Variants in RBFOX1 observed in about 807,000 individuals in gnomAD.
RBFOX1 encodes the protein RNA binding protein fox-1 homolog 1.
Under a neutral mutation model 57.7 loss-of-function variants are expected in RBFOX1, and 8 were observed. The ratio of observed to expected loss-of-function variants is 0.14; its 90% confidence interval spans 0.08 to 0.25. RBFOX1 has a LOEUF of 0.25. RBFOX1 is among the 10% of genes least tolerant of loss of function. RBFOX1 has a pLI of 1.00. For missense variants in RBFOX1, 611 were observed against 548.5 expected (o/e 1.11, Z -1.14); for synonymous variants, 326 against 222.4 (o/e 1.47, Z -4.15).
intron 1 of RBFOX1, among the ~76,000 whole-genome samples, chr16:5,276,611 C>T (rs8044065): frequency 0.12 from 18,427 of 151,964 alleles, 1,206 homozygotes; most frequent in Middle Eastern, 0.18. Context: ...GGTGAAACCC[C>T]GTCTCTACTG....
intron 4 of RBFOX1, among the ~76,000 whole-genome samples, chr16:7,420,781 T>G (rs1393407558): frequency 6.6e-6 from 1 of 151,254 alleles, no homozygotes; most frequent in African/African-American, 2.4e-5. Flanking sequence ...TTTTTTTTCT[T>G]ATAAGATCTG....
intron 3 of RBFOX1, among the ~76,000 whole-genome samples, chr16:6,769,023 A>G (rs571039371): frequency 4.3e-4 from 65 of 152,290 alleles, no homozygotes; most frequent in African/African-American, 1.5e-3. Context: ...CACTGCGCCC[A>G]GCCAATATTA....
At chr16:5,463,346 G>C (rs139783463) in intron 1 of RBFOX1, among the ~76,000 whole-genome samples, 20 of 152,264 alleles carry the variant, frequency 1.3e-4, no homozygotes, top group Non-Finnish European at 2.9e-5. Flanking sequence ...TCAAGTGACT[G>C]TTCTATGAAG....
intron 3 of RBFOX1, among the ~76,000 whole-genome samples, chr16:6,707,601 A>G (rs1203236345): frequency 3.3e-5 from 5 of 151,442 alleles, no homozygotes; most frequent in African/African-American, 9.7e-5. Flanking sequence ...CAATGGACAT[A>G]CTGAATTGAA....
In RBFOX1 at chr16:7,071,156, G is replaced by T. The variant is rs192349944; in HGVS notation, c.27+19058G>T. On this transcript the variant is annotated intron_variant, in intron 4 of 15. Coordinates refer to ENST00000550418, the MANE Select transcript of RBFOX1 (RefSeq NM_018723.4). The stretch of plus-strand genomic sequence containing the variant: ...GGAGCTTCTCGGCTGCTACCCTGAA[G>T]CTTCCGTTTTGACTAGTATTGGTTC... 2.1e-3 allele frequency among the ~76,000 whole-genome samples: 322 copies of T among 152,222 alleles called. 1 individual carries two copies. Among genetic ancestry groups the T allele is most frequent in the Admixed American group, 6.3e-3 (96 of 15,296 alleles).
At position 7,672,865 on chromosome 16, in the gene RBFOX1, C is replaced by CAAA. The variant is rs56693228; in HGVS notation, c.931-3888_931-3886dup. On this transcript the variant is annotated intron_variant, in intron 13 of 15. Transcript: ENST00000550418. The stretch of plus-strand genomic sequence containing the variant: ...CTGGGTGACAGAGAAGACTCCATCT[C>CAAA]AAAAAAAAAAAAAAAAAAAAAAAGA... Among the ~76,000 whole-genome samples, 208 of 42,876 alleles carry CAAA rather than the reference C, an allele frequency of 4.9e-3. 35 individuals are homozygous for CAAA. The highest frequency in any genetic ancestry group is 0.028 in the Middle Eastern group (1 of 36). The allele number at this position is 42,876 out of a possible 152,430, so 28.1% of individuals were successfully genotyped here. A position where few individuals can be genotyped will look rare whatever the true frequency, so the allele number is the denominator to read the frequency against.
At chr16:7,544,147 T>C (rs2083765918) in intron 5 of RBFOX1, among the ~76,000 whole-genome samples, 1 of 152,224 alleles carries the variant, frequency 6.6e-6, no homozygotes, top group Non-Finnish European at 1.5e-5. Context: ...CAACGCTTAC[T>C]CCTAAAGACT....
chr16:6,402,185 TGAGTCCCTGCA>T (rs1477164678), intron 2 of RBFOX1, among the ~76,000 whole-genome samples: 2 of 152,054 alleles, frequency 1.3e-5, no homozygotes, highest in Non-Finnish European at 2.9e-5. Context: ...ACATTTTGCT[TGAGTCCCTGCA>T]GTGTACCAAG....
At chr16:6,093,057 C>T (rs1405712386) in intron 1 of RBFOX1, 3 of 152,072 alleles carry the variant, frequency 2.0e-5, no homozygotes, top group African/African-American at 7.2e-5. Context: ...GTACCACTGA[C>T]CCTAAAATAA....
chr16:6,533,037 CT>C (rs1473892618), intron 2 of RBFOX1, among the ~76,000 whole-genome samples: 1 of 152,304 alleles, frequency 6.6e-6, no homozygotes, highest in East Asian at 1.9e-4. Context: ...CATCTTACTT[CT>C]GATGCATCAC....
At chr16:7,569,744 C>G (rs1427353694) in intron 5 of RBFOX1, among the ~76,000 whole-genome samples, 1 of 152,136 alleles carries the variant, frequency 6.6e-6, no homozygotes, top group African/African-American at 2.4e-5. Context: ...TGGCTCATGC[C>G]TGTAATCCCA....
intron 1 of RBFOX1, among the ~76,000 whole-genome samples, chr16:6,184,216 T>C (rs1266248638): frequency 6.6e-6 from 1 of 152,168 alleles, no homozygotes; most frequent in African/African-American, 2.4e-5. Flanking sequence ...ATGGGAATTA[T>C]GGGAACTACA....
At chr16:6,193,405 T>TAC (rs1434593752) in intron 1 of RBFOX1, among the ~76,000 whole-genome samples, 3 of 85,066 alleles carry the variant, frequency 3.5e-5, no homozygotes, top group African/African-American at 1.5e-4. Flanking sequence ...TATATATATA[T>TAC]ATATATATAT....
In RBFOX1 at chr16:5,378,730, C is replaced by A. The variant is rs186165011; in HGVS notation, c.220-88486C>A. ...CGGATATTCCCATGACTTACGTTTT[C>A]TGAGCCTCAGTTTTGTCATCTGTAA... On this transcript the variant is annotated intron_variant, in intron 1 of 2. Transcript: ENST00000585867. Among the ~76,000 whole-genome samples, 3 of 151,664 alleles carry A rather than the reference C, an allele frequency of 2.0e-5. No individual in the cohort carries two copies. The South Asian group carries it at 6.2e-4, about 31-fold the overall frequency.
chr16:7,398,079 T>G (rs758008067), intron 4 of RBFOX1, among the ~76,000 whole-genome samples: 1 of 152,108 alleles, frequency 6.6e-6, no homozygotes, highest in Non-Finnish European at 1.5e-5. Context: ...CTCTATTTCC[T>G]GGGTTGTTCA....
At chr16:6,490,323 G>A (rs137873362) in intron 2 of RBFOX1, among the ~76,000 whole-genome samples, 4 of 152,166 alleles carry the variant, frequency 2.6e-5, no homozygotes, top group African/African-American at 7.2e-5. Context: ...AGTAGAGAGC[G>A]TCAATGAACT....
chr16:7,441,848 C>T lies in RBFOX1; in HGVS notation c.28-76299C>T, dbSNP rs193045286. 3.5e-3 allele frequency among the ~76,000 whole-genome samples: 530 copies of T among 152,308 alleles called. 2 individuals carry two copies. Among genetic ancestry groups the T allele is most frequent in the Non-Finnish European group, 3.1e-3 (209 of 68,034 alleles). ...TTCGCCCAGCCTGCTTCACGATCCACTGGCTGTCACAGGCATTTGCCTCCG... is the reference window on the plus strand; with the variant it reads ...TTCGCCCAGCCTGCTTCACGATCCATTGGCTGTCACAGGCATTTGCCTCCG... On this transcript the variant is annotated intron_variant, in intron 4 of 15. Coordinates refer to ENST00000550418, the MANE Select transcript of RBFOX1 (RefSeq NM_018723.4).
At chr16:6,757,338 T>G (rs1230879332) in intron 3 of RBFOX1, among the ~76,000 whole-genome samples, 2 of 152,166 alleles carry the variant, frequency 1.3e-5, no homozygotes, top group Non-Finnish European at 2.9e-5. Flanking sequence ...TGAAAGGACC[T>G]GCACACCCGT....
intron 1 of RBFOX1, among the ~76,000 whole-genome samples, chr16:5,357,303 A>G (rs2065418008): frequency 6.6e-6 from 1 of 152,320 alleles, no homozygotes; most frequent in Middle Eastern, 3.4e-3. Context: ...GTAATCAAAT[A>G]TGGCCCAATT....
Sources: gnomAD v4.1 joint callset for allele counts (sites outside exome capture counted in the v4.1 genomes callset) on GRCh38, gnomAD v4.1.1 for gene constraint, MANE v1.5 for transcripts, NCBI Gene and HGNC (gene_info 2026-07-23, HGNC 2026-07-21) for gene names.